The following TAFA2 variants were observed in gnomAD, a reference collection of about 807,000 sequenced individuals.
The protein encoded by TAFA2 is TAFA chemokine like family member 2.
TAFA2 carries 7 observed loss-of-function variants against 18.8 expected under a neutral mutation model. That is an observed-to-expected ratio of 0.37 (90% confidence interval 0.21 to 0.70). The LOEUF is 0.70. TAFA2 is among the 30% of genes least tolerant of loss of function. TAFA2 has a pLI of 0.53. For synonymous variants in TAFA2, 60 were observed against 54.2 expected (o/e 1.11, Z -0.47); for missense variants, 122 against 158.1 (o/e 0.77, Z 1.23).
chr12:62,104,713 A>G (rs1178206156), intron 1 of TAFA2: 1 of 455,572 alleles, frequency 2.2e-6, no homozygotes, highest in Non-Finnish European at 4.4e-6. Flanking sequence ...TGATGGTACA[A>G]TTTGTCATGC....
At chr12:61,870,746 A>C (rs936433093) in intron 1 of TAFA2, among the ~76,000 whole-genome samples, 4 of 151,682 alleles carry the variant, frequency 2.6e-5, no homozygotes. Flanking sequence ...ATTCCCACCT[A>C]CTCTTCAAAA....
rs116233974 is a variant in TAFA2 at position 62,217,021 on chromosome 12, G to A, written c.-130+41742C>T. On this transcript the variant is annotated intron_variant, in intron 1 of 5. Coordinates refer to the TAFA2 transcript ENST00000551619. Reference sequence around the variant, plus strand: ...ACAAGCTGCGACATCCTCTCTAAATGAAACAAATTATTGTATCTTATATGT... The same window carrying A: ...ACAAGCTGCGACATCCTCTCTAAATAAAACAAATTATTGTATCTTATATGT... 7.8e-3 allele frequency among the ~76,000 whole-genome samples: 1,189 copies of A among 152,294 alleles called. 14 individuals carry two copies. The highest frequency in any genetic ancestry group is 0.026 in the African/African-American group (1,092 of 41,552).
chr12:61,816,161 C>T (rs1296155077), intron 2 of TAFA2, among the ~76,000 whole-genome samples: 1 of 151,036 alleles, frequency 6.6e-6, no homozygotes, highest in Non-Finnish European at 1.5e-5. Flanking sequence ...TTTTCCTGCT[C>T]CTCTCCCTCC....
chr12:61,910,592 A>G (rs1418499223), intron 1 of TAFA2, among the ~76,000 whole-genome samples: 9 of 152,190 alleles, frequency 5.9e-5, no homozygotes, highest in African/African-American at 7.2e-5. Flanking sequence ...CCTGCCATCA[A>G]GGAGCTCCCA....
At chr12:62,035,804 C>T (rs1330182033) in intron 1 of TAFA2, among the ~76,000 whole-genome samples, 2 of 134,316 alleles carry the variant, frequency 1.5e-5, no homozygotes, top group African/African-American at 2.9e-5. Flanking sequence ...TGCAGTGGCG[C>T]GATCTCGACT....
chr12:61,963,282 T>A lies in TAFA2; in HGVS notation c.-1-95856A>T, dbSNP rs183524064. Among the ~76,000 whole-genome samples, 29 of 152,124 alleles carry A rather than the reference T, an allele frequency of 1.9e-4. No individual in the cohort carries two copies. In the East Asian group the frequency reaches 1.9e-3, roughly 10 times the overall value. ...TCAACCAGTATTTCTGGTTCTGGAT[T>A]CTTGAGGAATTGCCACACTATCTTC... On this transcript the variant is annotated intron_variant, in intron 1 of 4. Transcript: ENST00000416284.
intron 1 of TAFA2, among the ~76,000 whole-genome samples, chr12:61,917,343 A>C (rs532553441): frequency 6.6e-6 from 1 of 152,348 alleles, no homozygotes; most frequent in East Asian, 1.9e-4. Context: ...GTCAGAAATT[A>C]AATATTTAGT....
intron 1 of TAFA2, among the ~76,000 whole-genome samples, chr12:62,177,397 A>G (rs535089316): frequency 6.6e-6 from 1 of 152,376 alleles, no homozygotes; most frequent in South Asian, 2.1e-4. Flanking sequence ...GAAGACAACA[A>G]TAGAGAGAGA....
intron 1 of TAFA2, among the ~76,000 whole-genome samples, chr12:62,147,348 A>G (rs866692741): frequency 7.0e-5 from 8 of 114,184 alleles, no homozygotes; most frequent in African/African-American, 1.2e-4. Flanking sequence ...ATATATATAT[A>G]TATATATATA....
chr12:62,170,276 T>C (rs2062468669), intron 1 of TAFA2, among the ~76,000 whole-genome samples: 1 of 152,214 alleles, frequency 6.6e-6, no homozygotes, highest in Non-Finnish European at 1.5e-5. Flanking sequence ...AAAATATGTT[T>C]AAGTCAGGTG....
chr12:61,999,454 G>A (rs568000199), intron 1 of TAFA2, among the ~76,000 whole-genome samples: 10 of 152,322 alleles, frequency 6.6e-5, no homozygotes, highest in African/African-American at 2.4e-4. Flanking sequence ...ACTAGGGGAA[G>A]TATGGAGAAA....
intron 2 of TAFA2, among the ~76,000 whole-genome samples, chr12:61,823,343 G>A (rs1040205273): frequency 6.6e-6 from 1 of 151,728 alleles, no homozygotes; most frequent in South Asian, 2.1e-4. Context: ...CAGCCCTAAC[G>A]TTTACTCTGT....
chr12:61,986,156 T>C (rs1250060756), intron 1 of TAFA2, among the ~76,000 whole-genome samples: 1 of 140,128 alleles, frequency 7.1e-6, no homozygotes, highest in Non-Finnish European at 1.5e-5. Flanking sequence ...ATCTAAGCTC[T>C]TCTTTTTTTT....
intron 4 of TAFA2, among the ~76,000 whole-genome samples, chr12:61,721,754 G>A (rs532102851): frequency 6.6e-5 from 10 of 152,230 alleles, no homozygotes; most frequent in East Asian, 5.8e-4. Context: ...TCAGGAGTTC[G>A]AGACCAGCCT....
chr12:61,866,266 G>A (rs1874351482), intron 2 of TAFA2, among the ~76,000 whole-genome samples: 1 of 152,112 alleles, frequency 6.6e-6, no homozygotes, highest in Non-Finnish European at 1.5e-5. Context: ...AGGGGGAAGA[G>A]ATTAGTCTTA....
chr12:61,840,263 T>A (rs1873118949), intron 2 of TAFA2, among the ~76,000 whole-genome samples: 1 of 152,056 alleles, frequency 6.6e-6, no homozygotes, highest in Admixed American at 6.6e-5. Context: ...AAGTCTATTT[T>A]TATATTATGT....
intron 1 of TAFA2, among the ~76,000 whole-genome samples, chr12:61,901,461 T>A (rs1338406320): frequency 6.6e-6 from 1 of 151,488 alleles, no homozygotes; most frequent in Non-Finnish European, 1.5e-5. Flanking sequence ...AACAATAATT[T>A]TAATCCTATT....
chr12:61,932,549 C>T (rs1260236689), intron 1 of TAFA2, among the ~76,000 whole-genome samples: 2 of 152,168 alleles, frequency 1.3e-5, no homozygotes, highest in South Asian at 2.1e-4. Flanking sequence ...AAGTGATTCT[C>T]CTGCCTCAGC....
intron 1 of TAFA2, among the ~76,000 whole-genome samples, chr12:61,982,324 G>A (rs1255942906): frequency 6.6e-6 from 1 of 152,028 alleles, no homozygotes; most frequent in Non-Finnish European, 1.5e-5. Context: ...AGCATTAGGA[G>A]AAATACCTAA....
Sources: allele counts gnomAD v4.1 joint callset (sites outside exome capture counted in the v4.1 genomes callset), GRCh38; gene constraint gnomAD v4.1.1; transcripts MANE v1.5; gene names NCBI Gene and HGNC (gene_info 2026-07-23, HGNC 2026-07-21).